The following SLC9A4 variants were observed in gnomAD, a reference collection of about 807,000 sequenced individuals.
SLC9A4 encodes the protein sodium/hydrogen exchanger 4.
In SLC9A4, 63 loss-of-function variants were observed where a neutral mutation model predicts 67.4. The observed-to-expected ratio is 0.93, with a 90% confidence interval of 0.76 to 1.15. The LOEUF is 1.15. Ranked by LOEUF, SLC9A4 falls within the 50% of genes most tolerant of loss-of-function variation. The pLI is 0.00. For synonymous variants in SLC9A4, 393 were observed against 367.2 expected (o/e 1.07, Z -0.80); for missense variants, 1,089 against 987.7 (o/e 1.10, Z -1.38).
chr2:102,492,621 G>A (rs1017008614), intron 2 of SLC9A4, among the ~76,000 whole-genome samples: 4 of 5,108 alleles, frequency 7.8e-4, no homozygotes, highest in South Asian at 0.042. Context: ...CTCAGTCCAG[G>A]AAACCATTTT....
In SLC9A4 at chr2:102,515,563, A is replaced by G. The variant is rs1454651199; in HGVS notation, c.1721+1312A>G. Among the ~76,000 whole-genome samples, 9 of 151,882 alleles carry G rather than the reference A, an allele frequency of 5.9e-5. No homozygotes were observed. The East Asian group carries it at 1.6e-3, about 26-fold the overall frequency. On this transcript the variant is annotated intron_variant, in intron 8 of 11. Transcript: ENST00000295269. ...GATATTAAAATGGAAAAGTGTTGAC[A>G]GATATATACTGGCAGTGCTCTGCTG...
intron 9 of SLC9A4, among the ~76,000 whole-genome samples, chr2:102,520,797 C>T (rs1393525370): frequency 6.6e-6 from 1 of 152,174 alleles, no homozygotes; most frequent in African/African-American, 2.4e-5. Context: ...CTGACTTGTT[C>T]AAGGTTACAA....
chr2:102,495,828 AC>A (rs1452846088), intron 2 of SLC9A4, among the ~76,000 whole-genome samples: 1 of 152,008 alleles, frequency 6.6e-6, no homozygotes, highest in Admixed American at 6.6e-5. Flanking sequence ...CATGAAAATC[AC>A]CCCTAACCTC....
chr2:102,514,255 A>G lies in SLC9A4; in HGVS notation c.1721+4A>G. ...CAGCTTTCTCCATACCCCATCAGTG[A>G]GTCATATCTGTTCTTTGTTCTAAAC... On this transcript the variant is annotated splice_donor_region_variant and intron_variant, in intron 8 of 11. Coordinates refer to ENST00000295269, the MANE Select transcript of SLC9A4 (RefSeq NM_001011552.4). 6.3e-7 allele frequency: 1 copy of G among 1,596,650 alleles called. No individual in the cohort carries two copies. The highest frequency in any genetic ancestry group is 8.6e-7 in the Non-Finnish European group (1 of 1,169,558).
chr2:102,532,682 A>T lies in SLC9A4; in HGVS notation c.2391A>T (p.Lys797Asn). 6.2e-7 allele frequency: 1 copy of T among 1,611,612 alleles called. No individual in the cohort carries two copies. Among genetic ancestry groups the T allele is most frequent in the Non-Finnish European group, 8.5e-7 (1 of 1,178,708 alleles). Reference sequence around the variant, plus strand: ...GGTCCCATAGTCCTTTGCTCCAAAAAAAATAGTGTTATTGTCCACAAGATT... The same window carrying T: ...GGTCCCATAGTCCTTTGCTCCAAAATAAATAGTGTTATTGTCCACAAGATT... Reference protein sequence around the residue: ...HHRSHSPLLQKK With the variant: ...HHRSHSPLLQNK The change falls in exon 12 of 12, where the codon AAA becomes AAT. Residue 797 changes from lysine to asparagine, a missense_variant. By Grantham distance (94) the Lys-to-Asn change is moderately conservative (BLOSUM62 0). Coordinates refer to ENST00000295269, the MANE Select transcript of SLC9A4 (RefSeq NM_001011552.4).
chr2:102,481,896 CT>C (rs11350402), intron 2 of SLC9A4, among the ~76,000 whole-genome samples: 92,670 of 150,656 alleles, frequency 0.62, 28,818 homozygotes, highest in Middle Eastern at 0.69. Flanking sequence ...CAAGCAAGAT[CT>C]TTTTTTTTTT....
At chr2:102,479,658 T>C (rs1684417071) in intron 2 of SLC9A4, among the ~76,000 whole-genome samples, 1 of 152,270 alleles carries the variant, frequency 6.6e-6, no homozygotes, top group Non-Finnish European at 1.5e-5. Context: ...CTGATGTTTT[T>C]ATTTCCTCTC....
rs775116532 is a variant in SLC9A4 at position 102,532,325 on chromosome 2, C to A, written c.2039-5C>A. 6.2e-7 allele frequency: 1 copy of A among 1,607,368 alleles called. No individual in the cohort carries two copies. The highest frequency in any genetic ancestry group is 8.5e-7 in the Non-Finnish European group (1 of 1,176,306). On this transcript the variant is annotated splice_region_variant and splice_polypyrimidine_tract_variant and intron_variant, in intron 11 of 11. Coordinates refer to ENST00000295269, the MANE Select transcript of SLC9A4 (RefSeq NM_001011552.4). ...TTTCCCCTTCTTGCCATGATGTTTTCCTAGATGATGACAGCAGTGATCCAG... is the reference window on the plus strand; with the variant it reads ...TTTCCCCTTCTTGCCATGATGTTTTACTAGATGATGACAGCAGTGATCCAG...
intron 2 of SLC9A4, among the ~76,000 whole-genome samples, chr2:102,502,661 T>A (rs577090155): frequency 6.6e-6 from 1 of 151,904 alleles, no homozygotes; most frequent in African/African-American, 2.4e-5. Context: ...TGGTCTGGAG[T>A]TGGTGGGCAA....
At position 102,508,935 on chromosome 2, in the gene SLC9A4, T is replaced by G; in HGVS notation, c.1488+2T>G. On this transcript the variant is annotated splice_donor_variant, in intron 6 of 11. Transcript: ENST00000295269. LOFTEE classifies it high-confidence loss of function. ...ATCAATGAAGAGCTTCATATTCGTG[T>G]AAGTTATCTCATAGTCACAATTAAT... 6.2e-7 allele frequency: 1 copy of G among 1,605,476 alleles called. No homozygotes were observed. Among genetic ancestry groups the G allele is most frequent in the Non-Finnish European group, 8.5e-7 (1 of 1,175,010 alleles).
chr2:102,524,616 T>C (rs1048792526), intron 9 of SLC9A4, among the ~76,000 whole-genome samples: 2 of 147,730 alleles, frequency 1.4e-5, no homozygotes, highest in African/African-American at 2.5e-5. Context: ...GTATCCTTAA[T>C]TGGCAAAATT....
At chr2:102,493,606 G>A (rs1328583877) in intron 2 of SLC9A4, among the ~76,000 whole-genome samples, 1 of 151,660 alleles carries the variant, frequency 6.6e-6, no homozygotes, top group Non-Finnish European at 1.5e-5. Context: ...TAACACATAG[G>A]GATTATGGGA....
intron 2 of SLC9A4, among the ~76,000 whole-genome samples, chr2:102,487,976 CTT>C (rs1026283733): frequency 3.3e-5 from 5 of 152,226 alleles, no homozygotes; most frequent in Non-Finnish European, 7.3e-5. Flanking sequence ...GAACACATGA[CTT>C]ATTTCTTTTT....
chr2:102,517,931 C>G (rs1685310647), intron 8 of SLC9A4, among the ~76,000 whole-genome samples: 1 of 152,148 alleles, frequency 6.6e-6, no homozygotes, highest in Non-Finnish European at 1.5e-5. Context: ...GAAATGATCA[C>G]TCATTCAGTT....
chr2:102,500,979 G>C (rs1040962875), intron 2 of SLC9A4, among the ~76,000 whole-genome samples: 2 of 144,504 alleles, frequency 1.4e-5, no homozygotes, highest in African/African-American at 5.2e-5. Context: ...TTTTTAGTAA[G>C]ATAGAGTTTC....
At chr2:102,492,254 C>A (rs57682906) in intron 2 of SLC9A4, among the ~76,000 whole-genome samples, 9,293 of 152,318 alleles carry the variant, frequency 0.061, 887 homozygotes, top group African/African-American at 0.2. Context: ...CACAGCCCCA[C>A]TAGGCAGCAC....
At chr2:102,529,932 C>T (rs563059905) in intron 11 of SLC9A4, among the ~76,000 whole-genome samples, 13 of 152,232 alleles carry the variant, frequency 8.5e-5, no homozygotes, top group African/African-American at 3.1e-4. Flanking sequence ...CTGGAAACCT[C>T]TTATATGACC....
At chr2:102,507,517 G>A (rs926886043) in intron 4 of SLC9A4, among the ~76,000 whole-genome samples, 1 of 151,962 alleles carries the variant, frequency 6.6e-6, no homozygotes, top group Admixed American at 6.6e-5. Flanking sequence ...AGTAAGAAGC[G>A]CCCACTCACC....
chr2:102,489,297 T>C (rs1684651635), intron 2 of SLC9A4, among the ~76,000 whole-genome samples: 1 of 152,220 alleles, frequency 6.6e-6, no homozygotes, highest in Non-Finnish European at 1.5e-5. Context: ...GGAACAGGTG[T>C]TGGTGGAGGT....
Sources: gnomAD v4.1 joint callset for allele counts (sites outside exome capture counted in the v4.1 genomes callset) on GRCh38, gnomAD v4.1.1 for gene constraint, MANE v1.5 for transcripts, NCBI Gene and HGNC (gene_info 2026-07-23, HGNC 2026-07-21) for gene names.